Variants in ABCA13 observed in about 807,000 individuals in gnomAD.
ABCA13 encodes the protein ATP binding cassette subfamily A member 13.
Under a neutral mutation model 478.7 loss-of-function variants are expected in ABCA13, and 476 were observed. That is an observed-to-expected ratio of 0.99 (90% CI 0.92 to 1.07). The LOEUF (loss-of-function observed/expected upper bound fraction) is 1.07. Among genes scored for constraint, ABCA13 ranks in the 50% least tolerant of loss-of-function variants. ABCA13 has a pLI of 0.00. For missense variants in ABCA13, 6,060 were observed against 5,910.6 expected (o/e 1.03, Z -0.83); for synonymous variants, 2,252 against 2,158.9 (o/e 1.04, Z -1.20).
rs1029133744 is a variant in ABCA13 at position 48,290,371 on chromosome 7, G to T, written c.8955+2293G>T. Among the ~76,000 whole-genome samples the T allele has an allele frequency of 3.9e-5, 6 of 152,248 alleles. No individual in the cohort carries two copies. In the South Asian group the frequency reaches 1.0e-3, roughly 26 times the overall value. On this transcript the variant is annotated intron_variant, in intron 20 of 61. Coordinates refer to ENST00000435803, the MANE Select transcript of ABCA13 (RefSeq NM_152701.5). ...ATTTCTTGATTCTAGGCCTGATGTA[G>T]CCGGAGAAGGAGAGTCTGATAGGTG...
chr7:48,408,443 G>T (rs755422859), intron 39 of ABCA13, among the ~76,000 whole-genome samples: 7 of 152,160 alleles, frequency 4.6e-5, no homozygotes, highest in Non-Finnish European at 8.8e-5. Flanking sequence ...AGCCTCAAAG[G>T]TCTAACATGC....
rs1363687993 is a variant in ABCA13, at chr7:48,645,490, A to G, written c.15155A>G (p.His5052Arg). Residue 5052 changes from histidine (H) to arginine (R), a missense_variant, in exon 62 of 62, where the codon CAC (histidine) becomes CGC (arginine). By Grantham distance (29) the His-to-Arg change is conservative. This residue lies in a region of ABCA13 where 1,627 missense variants were observed against 1,571.0 expected (regional missense o/e 1.04). Coordinates refer to ENST00000435803, the MANE Select transcript of ABCA13 (RefSeq NM_152701.5). The stretch of plus-strand genomic sequence containing the variant: ...CTTGATCCATCCACTGACAGTCACC[A>G]CACACATCACTTGCCCATCTGAGCA... The part of the protein sequence containing the change: ...STLDPSTDSH[H>R]THHLPI 1.9e-6 allele frequency: 3 copies of G among 1,588,508 alleles called. No homozygotes were observed. Among genetic ancestry groups the G allele is most frequent in the Non-Finnish European group, 2.6e-6 (3 of 1,166,196 alleles).
At chr7:48,412,653 T>C (rs1358768123) in intron 41 of ABCA13, 70 bp downstream of exon 41, 17 of 1,118,284 alleles carry the variant, frequency 1.5e-5, no homozygotes, top group Non-Finnish European at 2.0e-5. Context: ...AATGAAGAGA[T>C]GTGGGTAAAG....
chr7:48,391,833 G>A, intron 37 of ABCA13, 88 bp from the exon 38 acceptor site: 1 of 1,267,940 alleles, frequency 7.9e-7, no homozygotes. Context: ...TTGGCAGGAT[G>A]CATGCGCCAT....
intron 48 of ABCA13, among the ~76,000 whole-genome samples, chr7:48,495,833 A>G (rs2130761582): frequency 6.6e-6 from 1 of 152,168 alleles, no homozygotes; most frequent in Admixed American, 6.5e-5. Context: ...TGGTAGATTA[A>G]TCCTTTGCAT....
Position 48,511,105 on chromosome 7 carries a change from T to C in ABCA13, c.13546T>C (p.Cys4516Arg), listed in dbSNP as rs1318178743. 1.2e-6 allele frequency: 2 copies of C among 1,613,798 alleles called. No homozygotes were observed. Among genetic ancestry groups the C allele is most frequent in the Non-Finnish European group, 1.7e-6 (2 of 1,179,716 alleles). The change falls in exon 51 of 62, where the codon TGC (cysteine) becomes CGC (arginine). Residue 4516 changes from cysteine to arginine, a missense_variant. Cys to Arg is a radical substitution (Grantham distance 180). This residue lies in a region of ABCA13 where 1,627 missense variants were observed against 1,571.0 expected (regional missense o/e 1.04). Transcript: ENST00000435803. The part of the protein sequence containing the change: ...YDMLFYLVSV[C>R]LCVAVIVAFQ... ...TCAGCTCTTTTACTTGGTTTCCGTC[T>C]GCCTGTGTGTTGCCGTTATTGTCGC...
chr7:48,633,049 A>G (rs1794291911), intron 59 of ABCA13, among the ~76,000 whole-genome samples: 1 of 152,210 alleles, frequency 6.6e-6, no homozygotes, highest in Non-Finnish European at 1.5e-5. Flanking sequence ...CAAAAACACA[A>G]CAAACAACAA....
chr7:48,403,606 C>T (rs1203508487), intron 38 of ABCA13, 77 bp from the exon 39 acceptor site: 2 of 1,418,822 alleles, frequency 1.4e-6, no homozygotes, highest in African/African-American at 2.8e-5. Flanking sequence ...CACTGTTAGT[C>T]ATTATTTCTG....
At chr7:48,202,175 GTGGCTTGCC>G (rs879376205) in intron 3 of ABCA13, among the ~76,000 whole-genome samples, 334 of 152,334 alleles carry the variant, frequency 2.2e-3, no homozygotes, top group Non-Finnish European at 4.2e-3. Flanking sequence ...GGGGACCCTA[GTGGCTTGCC>G]GCTGCTGGCT....
intron 14 of ABCA13, among the ~76,000 whole-genome samples, 195 bp downstream of exon 14, chr7:48,248,639 C>G (rs1271743173): frequency 6.6e-6 from 1 of 152,198 alleles, no homozygotes; most frequent in Non-Finnish European, 1.5e-5. Context: ...AAAGAGTTCC[C>G]TTAATGTTTA....
At position 48,297,219 on chromosome 7, in the gene ABCA13, T is replaced by G; in HGVS notation, c.9120-13T>G. On this transcript the variant is annotated splice_polypyrimidine_tract_variant and intron_variant, in intron 21 of 61. Transcript: ENST00000435803. ...AGCTTGCCTAATTTAGCTTTAATTT[T>G]CTGCCATTTTAGGTTGGCCAAAAGC... 1 of 1,591,230 alleles carries G rather than the reference T, an allele frequency of 6.3e-7. No individual in the cohort carries two copies. Among genetic ancestry groups the G allele is most frequent in the African/African-American group, 1.3e-5 (1 of 74,628 alleles).
At chr7:48,248,599 T>C (rs1164653083) in intron 14 of ABCA13, among the ~76,000 whole-genome samples, 155 bp downstream of exon 14, 3 of 152,222 alleles carry the variant, frequency 2.0e-5, no homozygotes, top group African/African-American at 7.2e-5. Context: ...ACTGGTACTG[T>C]TGGAAAGCAT....
Position 48,214,651 on chromosome 7 carries a change from C to T in ABCA13, c.288-4703C>T, listed in dbSNP as rs376168626. The stretch of plus-strand genomic sequence containing the variant: ...ACCTTGTACTTTTATGTAATGGAGA[C>T]GGCTTCTTTCCTGAAACCTCATGAA... On this transcript the variant is annotated intron_variant, in intron 3 of 61. Transcript: ENST00000435803. Among the ~76,000 whole-genome samples, 33 of 152,272 alleles carry T rather than the reference C, an allele frequency of 2.2e-4. No homozygotes were observed. The East Asian group carries it at 2.5e-3, about 12-fold the overall frequency.
chr7:48,457,118 G>A (rs1476521242), intron 43 of ABCA13, among the ~76,000 whole-genome samples: 1 of 152,008 alleles, frequency 6.6e-6, no homozygotes, highest in Non-Finnish European at 1.5e-5. Context: ...TGGGAGAAAG[G>A]AAGTTCAGTT....
In ABCA13 at chr7:48,372,388, C is replaced by A. The variant is rs769174645; in HGVS notation, c.11024C>A (p.Ala3675Asp). 1 of 1,613,928 alleles carries A rather than the reference C, an allele frequency of 6.2e-7. No individual in the cohort carries two copies. The highest frequency in any genetic ancestry group is 8.5e-7 in the Non-Finnish European group (1 of 1,179,854). The change falls in exon 33 of 62, where the codon GCT (alanine) becomes GAT (aspartate). Residue 3675 changes from alanine (A) to aspartate (D), a missense_variant. Ala to Asp is a moderately radical substitution (Grantham distance 126). Coordinates refer to ENST00000435803, the MANE Select transcript of ABCA13 (RefSeq NM_152701.5). Reference protein sequence around the residue: ...SYLLSAFFSQANTAALCTSLV... With the variant: ...SYLLSAFFSQDNTAALCTSLV... ...CTCTTGAGTGCATTTTTCAGCCAAG[C>A]TAATACAGCGGCCCTTTGTACCAGC...
intron 58 of ABCA13, among the ~76,000 whole-genome samples, chr7:48,606,816 C>T (rs34598210): frequency 0.05 from 7,604 of 152,288 alleles, 257 homozygotes; most frequent in South Asian, 0.099. Context: ...GCACCCCCAA[C>T]CACCCCTTCC....
chr7:48,453,958 C>T (rs1398239689), intron 42 of ABCA13, among the ~76,000 whole-genome samples: 1 of 152,216 alleles, frequency 6.6e-6, no homozygotes, highest in Non-Finnish European at 1.5e-5. Context: ...AATGCTGTGA[C>T]AAATGATGTC....
At chr7:48,513,302 C>A (rs1165441724) in intron 51 of ABCA13, among the ~76,000 whole-genome samples, 1 of 152,114 alleles carries the variant, frequency 6.6e-6, no homozygotes, top group Non-Finnish European at 1.5e-5. Flanking sequence ...ATAGTATACA[C>A]GAATTGATTC....
intron 58 of ABCA13, among the ~76,000 whole-genome samples, chr7:48,612,773 G>T (rs1792152854): frequency 6.6e-6 from 1 of 152,044 alleles, no homozygotes; most frequent in Admixed American, 6.5e-5. Flanking sequence ...TGCCAAATTG[G>T]TGTTCAAAAA....
Sources: gnomAD v4.1 joint callset for allele counts (sites outside exome capture counted in the v4.1 genomes callset) on GRCh38, gnomAD v4.1.1 for gene constraint, gnomAD v4.1.1 regional missense constraint, MANE v1.5 for transcripts, NCBI Gene and HGNC (gene_info 2026-07-23, HGNC 2026-07-21) for gene names.